LRP1B: variants seen among roughly 807,000 people sequenced by gnomAD.
LRP1B encodes LDL receptor related protein 1B, also known as low-density lipoprotein receptor-related protein 1B.
A neutral mutation model predicts 556.6 loss-of-function variants in LRP1B; 217 were observed. The ratio of observed to expected loss-of-function variants is 0.39; its 90% CI spans 0.35 to 0.44. The LOEUF is 0.44. Ranked by LOEUF, LRP1B falls within the 20% of genes least tolerant of loss-of-function variation. LRP1B has a pLI of 1.00. For missense variants in LRP1B, 5,053 were observed against 5,620.8 expected (o/e 0.90, Z 3.23); for synonymous variants, 2,047 against 1,865.8 (o/e 1.10, Z -2.50).
chr2:141,007,181 G>A (rs1054726709), intron 14 of LRP1B, among the ~76,000 whole-genome samples: 39 of 151,794 alleles, frequency 2.6e-4, no homozygotes, highest in African/African-American at 9.4e-4. Flanking sequence ...TGATTAAAGT[G>A]ACAGACTAGG....
At chr2:141,437,890 G>A (rs941975066) in intron 3 of LRP1B, among the ~76,000 whole-genome samples, 1 of 151,990 alleles carries the variant, frequency 6.6e-6, no homozygotes, top group Admixed American at 6.6e-5. Context: ...TGCCTACTTG[G>A]AGTTTACATG....
intron 2 of LRP1B, among the ~76,000 whole-genome samples, chr2:141,665,601 C>T (rs528047584): frequency 4.2e-4 from 64 of 152,228 alleles, no homozygotes; most frequent in African/African-American, 1.5e-3. Context: ...GAATATAAAT[C>T]ATTCTGTTTT....
At chr2:140,633,031 C>A in intron 41 of LRP1B, among the ~76,000 whole-genome samples, 1 of 150,442 alleles carries the variant, frequency 6.6e-6, no homozygotes, top group Non-Finnish European at 1.5e-5. Flanking sequence ...CCACTGCACT[C>A]CAGCCTGGGT....
intron 1 of LRP1B, among the ~76,000 whole-genome samples, chr2:142,011,074 A>C (rs1391902490): frequency 2.0e-5 from 3 of 152,182 alleles, no homozygotes; most frequent in Non-Finnish European, 4.4e-5. Flanking sequence ...AGGTAGCTGT[A>C]ATTTTGCAGA....
At chr2:140,806,290 T>C (rs1051888697) in intron 32 of LRP1B, among the ~76,000 whole-genome samples, 1 of 151,972 alleles carries the variant, frequency 6.6e-6, no homozygotes, top group Non-Finnish European at 1.5e-5. Flanking sequence ...AATATATAAA[T>C]AAAAATATAT....
At chr2:140,891,849 TTC>T (rs1053165370) in intron 23 of LRP1B, among the ~76,000 whole-genome samples, 1 of 152,152 alleles carries the variant, frequency 6.6e-6, no homozygotes, top group Admixed American at 6.5e-5. Flanking sequence ...AATTTTTTGT[TTC>T]TCTCTTAGTA....
intron 2 of LRP1B, among the ~76,000 whole-genome samples, chr2:141,709,501 A>G (rs901894271): frequency 2.6e-5 from 4 of 152,166 alleles, no homozygotes; most frequent in Non-Finnish European, 5.9e-5. Flanking sequence ...AGGAAGTACT[A>G]ATGATGCCTT....
chr2:141,906,401 CTT>C (rs962411562), intron 1 of LRP1B, among the ~76,000 whole-genome samples: 1 of 151,952 alleles, frequency 6.6e-6, no homozygotes, highest in African/African-American at 2.4e-5. Context: ...GCAAACTACT[CTT>C]TTCACATAAA....
intron 60 of LRP1B, among the ~76,000 whole-genome samples, chr2:140,460,648 C>T (rs1437170377): frequency 1.3e-5 from 2 of 152,028 alleles, no homozygotes; most frequent in Non-Finnish European, 1.5e-5. Flanking sequence ...TCAGTAGACA[C>T]ACAAAAAAGA....
At chr2:140,736,372 A>G (rs1234079864) in intron 35 of LRP1B, among the ~76,000 whole-genome samples, 2 of 152,090 alleles carry the variant, frequency 1.3e-5, no homozygotes, top group Non-Finnish European at 2.9e-5. Context: ...AATAATATCC[A>G]TTGTTTTATT....
chr2:140,303,012 C>CAT (rs59878403), intron 83 of LRP1B, among the ~76,000 whole-genome samples: 5,229 of 82,082 alleles, frequency 0.064, 174 homozygotes, highest in East Asian at 0.088. Context: ...AAATCTCCTT[C>CAT]ATATATATAT....
chr2:140,769,181 T>G, intron 35 of LRP1B, 32 bp downstream of exon 35: 1 of 1,590,414 alleles, frequency 6.3e-7, no homozygotes, highest in Non-Finnish European at 8.6e-7. Context: ...GTGAATATAT[T>G]ATGCATAAAT....
chr2:140,677,090 A>G (rs1271474467), intron 41 of LRP1B, among the ~76,000 whole-genome samples: 1 of 152,218 alleles, frequency 6.6e-6, no homozygotes, highest in African/African-American at 2.4e-5. Context: ...CATTTATACA[A>G]GAGTAGTCTG....
At chr2:141,219,709 A>G (rs1682957655) in intron 6 of LRP1B, among the ~76,000 whole-genome samples, 1 of 152,064 alleles carries the variant, frequency 6.6e-6, no homozygotes, top group African/African-American at 2.4e-5. Flanking sequence ...CCCCTCTGAG[A>G]TGGAGCTCCC....
Position 141,141,942 on chromosome 2 carries a change from A to G in LRP1B, c.1013+46479T>C, listed in dbSNP as rs546997299. Reference sequence around the variant, plus strand: ...TACTTGTTTCAATGTATGTAAGAATATATCAACAAAAAGGCTAATAAATGT... The same window carrying G: ...TACTTGTTTCAATGTATGTAAGAATGTATCAACAAAAAGGCTAATAAATGT... On this transcript the variant is annotated intron_variant, in intron 7 of 90. Transcript: ENST00000389484. Among the ~76,000 whole-genome samples, 38 of 152,250 alleles carry G rather than the reference A, an allele frequency of 2.5e-4. 2 individuals carry two copies. Among genetic ancestry groups the G allele is most frequent in the Non-Finnish European group, 1.0e-4 (7 of 68,006 alleles).
At chr2:141,714,897 T>A (rs1005170850) in intron 2 of LRP1B, among the ~76,000 whole-genome samples, 3 of 152,198 alleles carry the variant, frequency 2.0e-5, no homozygotes, top group African/African-American at 7.2e-5. Context: ...TCTTGTTTTG[T>A]TTTATTTAGA....
At chr2:141,453,691 G>C (rs1405335912) in intron 3 of LRP1B, among the ~76,000 whole-genome samples, 1 of 152,170 alleles carries the variant, frequency 6.6e-6, no homozygotes, top group African/African-American at 2.4e-5. Flanking sequence ...GCCGAGGCAG[G>C]TGGATGTCCT....
chr2:141,066,753 T>G (rs915258747), intron 7 of LRP1B, among the ~76,000 whole-genome samples: 1 of 152,076 alleles, frequency 6.6e-6, no homozygotes, highest in Middle Eastern at 3.4e-3. Context: ...AAATGACTTA[T>G]CATTCATTTT....
At chr2:140,584,263 C>A (rs1313299744) in intron 43 of LRP1B, among the ~76,000 whole-genome samples, 1 of 151,834 alleles carries the variant, frequency 6.6e-6, no homozygotes, top group Non-Finnish European at 1.5e-5. Flanking sequence ...AAACATGAAA[C>A]TTTTAAAACT....
Sources: gnomAD v4.1 joint callset for allele counts (sites outside exome capture counted in the v4.1 genomes callset) on GRCh38, gnomAD v4.1.1 for gene constraint, MANE v1.5 for transcripts, NCBI Gene and HGNC (gene_info 2026-07-23, HGNC 2026-07-21) for gene names.